Variants in SIRPB2 observed in about 807,000 individuals in gnomAD.
The protein encoded by SIRPB2 is signal-regulatory protein beta-2.
A neutral mutation model predicts 27.1 loss-of-function variants in SIRPB2; 18 were observed. The ratio of observed to expected loss-of-function variants is 0.66; its 90% CI spans 0.46 to 0.98. The LOEUF is 0.98. SIRPB2 is among the 50% of genes least tolerant of loss of function. The probability of loss-of-function intolerance (pLI) is 0.00; values close to 1 mark genes in which losing one functional copy is unlikely to be tolerated. For missense variants in SIRPB2, 420 were observed against 417.4 expected (o/e 1.01, Z -0.06); for synonymous variants, 150 against 164.6 (o/e 0.91, Z 0.68).
chr20:1,481,697 A>C (rs1375924381), intron 1 of SIRPB2, among the ~76,000 whole-genome samples: 3 of 152,192 alleles, frequency 2.0e-5, no homozygotes, highest in Non-Finnish European at 4.4e-5. Context: ...TTAACCACCA[A>C]GAATAACTTT....
At chr20:1,479,567 A>C in intron 2 of SIRPB2, 133 bp downstream of exon 2, 1 of 1,359,868 alleles carries the variant, frequency 7.4e-7, no homozygotes. Flanking sequence ...GTAAATGTGC[A>C]TGTAGAGATA....
chr20:1,479,430 TA>T (rs1232322852), intron 2 of SIRPB2: 1 of 502,886 alleles, frequency 2.0e-6, no homozygotes, highest in Non-Finnish European at 3.6e-6. Flanking sequence ...GCTTGAGGTG[TA>T]CTTGAAGAGT....
At position 1,478,492 on chromosome 20, in the gene SIRPB2, T is replaced by A. The variant is rs765354587; in HGVS notation, c.567A>T (p.Gly189=). Residue 189 remains glycine (G), a synonymous_variant, in exon 3 of 5, where the codon GGA becomes GGT. Transcript: ENST00000359801. ...NCTVLGDGPP[G]PIRWFQGAGL... is the part of the protein sequence containing the mutation. ...CAGCTCCCTGGAACCACCTGATGGG[T>A]CCAGGGGGACCGTCTCCAAGCACTG... 1 of 1,614,020 alleles carries A rather than the reference T, an allele frequency of 6.2e-7. No homozygotes were observed. Among genetic ancestry groups the A allele is most frequent in the Admixed American group, 1.7e-5 (1 of 60,010 alleles).
intron 1 of SIRPB2, among the ~76,000 whole-genome samples, chr20:1,484,507 TA>T (rs372996666): frequency 0.011 from 1,623 of 150,758 alleles, 33 homozygotes; most frequent in African/African-American, 0.038. Flanking sequence ...ACTCAACAGT[TA>T]AAAAAAATCT....
At chr20:1,486,076 C>CTTTTT (rs200298743) in intron 1 of SIRPB2, among the ~76,000 whole-genome samples, 6 of 141,546 alleles carry the variant, frequency 4.2e-5, no homozygotes, top group Non-Finnish European at 9.3e-5. Flanking sequence ...CTTTTCTTTT[C>CTTTTT]TTTTTTTTTT....
chr20:1,486,326 G>C (rs1317134640), intron 1 of SIRPB2, among the ~76,000 whole-genome samples: 1 of 152,024 alleles, frequency 6.6e-6, no homozygotes, highest in Non-Finnish European at 1.5e-5. Flanking sequence ...GCCTGCCTCA[G>C]CCTCCAAAAC....
At chr20:1,480,604 C>T (rs560187986) in intron 1 of SIRPB2, among the ~76,000 whole-genome samples, 18 of 152,260 alleles carry the variant, frequency 1.2e-4, no homozygotes, top group East Asian at 5.8e-4. Context: ...TTTAAACATA[C>T]GCATGCAGGG....
intron 1 of SIRPB2, among the ~76,000 whole-genome samples, chr20:1,482,845 A>G (rs908572221): frequency 6.6e-5 from 10 of 151,826 alleles, no homozygotes; most frequent in Admixed American, 2.0e-4. Context: ...TTTTTTATCA[A>G]TTCATCCATT....
intron 1 of SIRPB2, among the ~76,000 whole-genome samples, chr20:1,480,864 TG>T (rs2090664514): frequency 6.6e-6 from 1 of 152,256 alleles, no homozygotes; most frequent in South Asian, 2.1e-4. Flanking sequence ...TCTGGAGCTC[TG>T]GCTATTAATC....
intron 1 of SIRPB2, among the ~76,000 whole-genome samples, chr20:1,487,309 A>G (rs533046391): frequency 6.6e-6 from 1 of 152,242 alleles, no homozygotes; most frequent in South Asian, 2.1e-4. Context: ...AATCAAGCCT[A>G]AATAAATAGA....
At chr20:1,483,108 A>ATT (rs35280142) in intron 1 of SIRPB2, among the ~76,000 whole-genome samples, 1,386 of 136,422 alleles carry the variant, frequency 0.01, 26 homozygotes, top group African/African-American at 0.035. Context: ...CATCCTCATC[A>ATT]TTTTTTTTTT....
chr20:1,483,811 T>G (rs568069319), intron 1 of SIRPB2, among the ~76,000 whole-genome samples: 1 of 152,312 alleles, frequency 6.6e-6, no homozygotes, highest in East Asian at 1.9e-4. Flanking sequence ...TCTTTCGAAG[T>G]CTTAGCCACA....
chr20:1,478,449 T>C lies in SIRPB2; in HGVS notation c.610A>G (p.Ile204Val). The C allele has an allele frequency of 1.2e-6, 2 of 1,614,166 alleles. No individual in the cohort carries two copies. Among genetic ancestry groups the C allele is most frequent in the South Asian group, 2.2e-5 (2 of 91,082 alleles). The change falls in exon 3 of 5, where the codon ATT (isoleucine) becomes GTT (valine). Residue 204 changes from isoleucine to valine, a missense_variant. By Grantham distance (29) the Ile-to-Val change is conservative. Coordinates refer to ENST00000359801, the MANE Select transcript of SIRPB2 (RefSeq NM_001122962.2). ...FQGAGLSREAIYNFGGISHPK... is the reference protein window; with the variant it reads ...FQGAGLSREAVYNFGGISHPK... ...TGGGAGATGCCTCCAAAGTTGTAAA[T>C]GGCCTCCCGGCTCAGACCAGCTCCC...
downstream of SIRPB2, among the ~76,000 whole-genome samples, chr20:1,472,292 G>T (rs986551568): frequency 1.3e-5 from 2 of 152,154 alleles, no homozygotes; most frequent in Non-Finnish European, 2.9e-5. Context: ...GAGTCCCCAC[G>T]AAGGGCCTTA....
At chr20:1,487,167 C>T (rs2090735045) in intron 1 of SIRPB2, among the ~76,000 whole-genome samples, 1 of 152,172 alleles carries the variant, frequency 6.6e-6, no homozygotes, top group Non-Finnish European at 1.5e-5. Flanking sequence ...TTACTATACA[C>T]TAGCAATAAA....
intron 1 of SIRPB2, among the ~76,000 whole-genome samples, chr20:1,484,118 T>C (rs972530231): frequency 5.3e-5 from 8 of 152,194 alleles, no homozygotes; most frequent in African/African-American, 1.9e-4. Context: ...ATTCAATAAA[T>C]GGTGCTGGAA....
intron 1 of SIRPB2, among the ~76,000 whole-genome samples, chr20:1,489,544 C>CA (rs1401407171): frequency 6.6e-6 from 1 of 152,170 alleles, no homozygotes; most frequent in Non-Finnish European, 1.5e-5. Flanking sequence ...CTGGTGCCCA[C>CA]ACCCCTTCCC....
intron 1 of SIRPB2, 63 bp downstream of exon 1, chr20:1,491,212 T>C: frequency 7.0e-7 from 1 of 1,428,108 alleles, no homozygotes; most frequent in Non-Finnish European, 9.6e-7. Flanking sequence ...GCAGAGCACT[T>C]AGTGCCCCTC....
intron 1 of SIRPB2, among the ~76,000 whole-genome samples, chr20:1,484,939 A>G (rs1449113676): frequency 2.6e-5 from 4 of 152,212 alleles, no homozygotes; most frequent in Non-Finnish European, 5.9e-5. Context: ...CATTCGTAGC[A>G]ACATGAATGA....
Sources: gnomAD v4.1 joint callset for allele counts (sites outside exome capture counted in the v4.1 genomes callset) on GRCh38, gnomAD v4.1.1 for gene constraint, MANE v1.5 for transcripts, NCBI Gene and HGNC (gene_info 2026-07-23, HGNC 2026-07-21) for gene names.